The following TTC39A variants were observed in gnomAD, a reference collection of about 807,000 sequenced individuals.
The protein encoded by TTC39A is tetratricopeptide repeat protein 39A.
A neutral mutation model predicts 82.3 loss-of-function variants in TTC39A; 46 were observed. That is an observed-to-expected ratio of 0.56 (90% CI 0.44 to 0.71). TTC39A has a LOEUF of 0.71. TTC39A is among the 30% of genes least tolerant of loss of function. The probability of loss-of-function intolerance (pLI) is 0.00; values close to 1 mark genes in which losing one functional copy is unlikely to be tolerated. For missense variants in TTC39A, 543 were observed against 712.9 expected (o/e 0.76, Z 2.71); for synonymous variants, 254 against 275.2 (o/e 0.92, Z 0.76).
intron 1 of TTC39A, among the ~76,000 whole-genome samples, chr1:51,327,508 A>C (rs1201573878): frequency 6.6e-6 from 1 of 152,158 alleles, no homozygotes; most frequent in Non-Finnish European, 1.5e-5. Flanking sequence ...CTCAAGCTGC[A>C]GCTATTACTT....
chr1:51,312,668 C>A (rs1645128316), intron 3 of TTC39A, 144 bp downstream of exon 3: 2 of 1,258,722 alleles, frequency 1.6e-6, no homozygotes, highest in Non-Finnish European at 1.1e-6. Context: ...GCAGGGCCAA[C>A]AGGGACAGCT....
At chr1:51,327,851 C>T (rs979013563) in intron 1 of TTC39A, among the ~76,000 whole-genome samples, 12 of 152,020 alleles carry the variant, frequency 7.9e-5, no homozygotes, top group African/African-American at 2.9e-4. Context: ...TGTGCACCAC[C>T]ATGCCAGGCT....
intron 4 of TTC39A, 127 bp downstream of exon 4, chr1:51,311,992 T>C: frequency 9.9e-7 from 1 of 1,014,288 alleles, no homozygotes; most frequent in Non-Finnish European, 1.4e-6. Flanking sequence ...CTGACCCATG[T>C]GTGTCCTGGC....
At chr1:51,309,514 A>C in intron 5 of TTC39A, 189 bp from the exon 6 acceptor site, 2 of 1,375,980 alleles carry the variant, frequency 1.5e-6, no homozygotes, top group Non-Finnish European at 1.9e-6. Context: ...CCAGGGTTGG[A>C]CCAGCCTCCC....
At chr1:51,341,782 C>T (rs1646041689) in intron 1 of TTC39A, among the ~76,000 whole-genome samples, 1 of 152,244 alleles carries the variant, frequency 6.6e-6, no homozygotes, top group East Asian at 1.9e-4. Flanking sequence ...CTTGCAGGAT[C>T]TGAGAATCAC....
chr1:51,328,124 G>A (rs1223504204), intron 1 of TTC39A, among the ~76,000 whole-genome samples: 1 of 152,188 alleles, frequency 6.6e-6, no homozygotes, highest in Non-Finnish European at 1.5e-5. Flanking sequence ...AAGGAAGGAG[G>A]ATCGCTTGAA....
intron 1 of TTC39A, among the ~76,000 whole-genome samples, chr1:51,342,237 C>T (rs1646046096): frequency 6.6e-6 from 1 of 152,178 alleles, no homozygotes; most frequent in Non-Finnish European, 1.5e-5. Flanking sequence ...CCCAGCTACC[C>T]AATCCTGGTG....
chr1:51,339,509 T>C (rs1557751561), intron 1 of TTC39A, among the ~76,000 whole-genome samples: 1 of 152,178 alleles, frequency 6.6e-6, no homozygotes, highest in Non-Finnish European at 1.5e-5. Context: ...GGAAGACACA[T>C]TGGGCCCTCC....
Position 51,290,004 on chromosome 1 carries a change from C to A in TTC39A, c.1493+1G>T. On this transcript the variant is annotated splice_donor_variant, in intron 16 of 17. Coordinates refer to ENST00000680483, the MANE Select transcript of TTC39A (RefSeq NM_001297663.2). LOFTEE classifies it high-confidence loss of function. ...GAAGGAGCAGCTGCAGAGGCACTTA[C>A]TTGGCAGAGATGCTCCTAAAATTCT... 6.2e-7 allele frequency: 1 copy of A among 1,612,252 alleles called. No homozygotes were observed. Among genetic ancestry groups the A allele is most frequent in the Non-Finnish European group, 8.5e-7 (1 of 1,179,018 alleles).
intron 1 of TTC39A, among the ~76,000 whole-genome samples, chr1:51,327,086 T>G (rs1465027871): frequency 6.6e-6 from 1 of 152,162 alleles, no homozygotes; most frequent in Non-Finnish European, 1.5e-5. Flanking sequence ...CTCCCACTTC[T>G]CTACTAGAGT....
chr1:51,307,630 G>C (rs1356368585), intron 6 of TTC39A, among the ~76,000 whole-genome samples: 1 of 151,540 alleles, frequency 6.6e-6, no homozygotes, highest in African/African-American at 2.4e-5. Context: ...AGCCACTCGG[G>C]AGGCTGAGGC....
At chr1:51,342,645 A>T (rs1184472711) in intron 1 of TTC39A, among the ~76,000 whole-genome samples, 1 of 152,188 alleles carries the variant, frequency 6.6e-6, no homozygotes, top group Non-Finnish European at 1.5e-5. Context: ...AGCTGGGAGA[A>T]TGGAGACCCA....
chr1:51,328,073 C>T (rs112009467), intron 1 of TTC39A, among the ~76,000 whole-genome samples: 13 of 152,240 alleles, frequency 8.5e-5, no homozygotes, highest in Admixed American at 2.6e-4. Flanking sequence ...GTGGGCCAGG[C>T]GCAGTGGCTT....
In TTC39A at chr1:51,297,016, G is replaced by A. The variant is rs141478835; in HGVS notation, c.1054-846C>T. ...GGCCAAGCCCCGAACCACAGCTCCTGCCTCCTGGCTAAGAAAGGGTGGAAA... is the reference window on the plus strand; with the variant it reads ...GGCCAAGCCCCGAACCACAGCTCCTACCTCCTGGCTAAGAAAGGGTGGAAA... On this transcript the variant is annotated intron_variant, in intron 12 of 17. Transcript: ENST00000680483. 3.9e-5 allele frequency among the ~76,000 whole-genome samples: 6 copies of A among 152,378 alleles called. No homozygotes were observed. The East Asian group carries it at 1.2e-3, about 29-fold the overall frequency.
At chr1:51,310,608 T>C (rs1282907349) in intron 5 of TTC39A, among the ~76,000 whole-genome samples, 1 of 152,152 alleles carries the variant, frequency 6.6e-6, no homozygotes, top group African/African-American at 2.4e-5. Flanking sequence ...TGATAATATG[T>C]TCTCATTATA....
At chr1:51,312,994 C>T (rs1645142456) in intron 2 of TTC39A, 51 bp from the exon 3 acceptor site, 2 of 1,586,942 alleles carry the variant, frequency 1.3e-6, no homozygotes, top group African/African-American at 1.3e-5. Context: ...GCCCCAGAGG[C>T]AGCTGGTCCT....
chr1:51,334,185 CCT>C (rs1160370577), upstream of TTC39A, among the ~76,000 whole-genome samples: 3 of 143,580 alleles, frequency 2.1e-5, no homozygotes, highest in Non-Finnish European at 4.5e-5. Flanking sequence ...ATGGTGAGAC[CCT>C]GTCTCTACAA....
intron 5 of TTC39A, 109 bp downstream of exon 5, chr1:51,311,134 GGGATGAGTCGT>G: frequency 1.1e-6 from 1 of 926,866 alleles, no homozygotes; most frequent in Non-Finnish European, 1.6e-6. Context: ...ATTGCTACAG[GGGATGAGTCGT>G]GGTTGCTATG....
chr1:51,300,952 A>G (rs2148167386), intron 12 of TTC39A: 1 of 152,452 alleles, frequency 6.6e-6, no homozygotes, highest in Admixed American at 6.5e-5. Context: ...CTTGCCTGTC[A>G]CATGGAGAGA....
Sources: gnomAD v4.1 joint callset for allele counts (sites outside exome capture counted in the v4.1 genomes callset) on GRCh38, gnomAD v4.1.1 for gene constraint, MANE v1.5 for transcripts, NCBI Gene and HGNC (gene_info 2026-07-23, HGNC 2026-07-21) for gene names.